The following COL6A1 variants were observed in gnomAD, a reference collection of about 807,000 sequenced individuals.
COL6A1 encodes the protein collagen type VI alpha 1 chain, also known as collagen alpha-1(VI) chain.
COL6A1 carries 80 observed loss-of-function variants against 145.6 expected under a neutral mutation model. That is an observed-to-expected ratio of 0.55 (90% CI 0.46 to 0.66). COL6A1 has a LOEUF of 0.66. COL6A1 is among the 30% of genes least tolerant of loss of function. The pLI is 0.00. For missense variants in COL6A1, 1,364 were observed against 1,473.8 expected, an observed-to-expected ratio of 0.93 and a Z score of 1.22; for synonymous variants, 638 against 622.8, an observed-to-expected ratio of 1.02 and a Z score of -0.36.
At chr21:45,992,460 T>A in intron 18 of COL6A1, 62 bp downstream of exon 18, 5 of 1,578,192 alleles carry the variant, frequency 3.2e-6, no homozygotes, top group Non-Finnish European at 4.3e-6. Context: ...ACGTGGCCTC[T>A]GCGGCCCAGT....
chr21:45,998,490 G>A (rs2077819730), intron 24 of COL6A1, 57 bp downstream of exon 24: 1 of 1,609,692 alleles, frequency 6.2e-7, no homozygotes, highest in African/African-American at 1.3e-5. Flanking sequence ...ACAGTCACAG[G>A]GACACGCACG....
intron 11 of COL6A1, 61 bp downstream of exon 11, chr21:45,989,839 G>C: frequency 3.7e-6 from 6 of 1,603,162 alleles, no homozygotes; most frequent in Non-Finnish European, 5.1e-6. Flanking sequence ...TCCTGGACGA[G>C]GGTGTCCCCG....
rs2077872077 is a variant in COL6A1, at chr21:46,004,817, TCCTC to T, written c.*811_*814del. 1.2e-5 allele frequency: 4 copies of T among 333,098 alleles called. No individual in the cohort carries two copies. Among genetic ancestry groups the T allele is most frequent in the South Asian group, 8.7e-5 (4 of 45,852 alleles). 20.6% of individuals were successfully genotyped at this position (333,098 alleles called of 1,614,324 possible). On this transcript the variant is annotated 3_prime_UTR_variant, in exon 35 of 35. Transcript: ENST00000361866. ...GATTAACGGTGCTAACCCCGTCTGC[TCCTC>T]CCTCCCGCAGAGACTGGGGCCTGGA...
chr21:45,997,885 C>T, intron 22 of COL6A1, 123 bp downstream of exon 22: 1 of 1,193,012 alleles, frequency 8.4e-7, no homozygotes, highest in East Asian at 2.6e-5. Context: ...CCCGCAGCAT[C>T]ACTGGCTCCT....
intron 3 of COL6A1, 35 bp downstream of exon 3, chr21:45,984,504 C>T: frequency 6.3e-7 from 1 of 1,593,562 alleles, no homozygotes; most frequent in African/African-American, 1.3e-5. Flanking sequence ...CACGCCAGTT[C>T]TCACGCGTGG....
rs1426855303 is a variant in COL6A1, at chr21:46,002,587, G to A, written c.2311G>A (p.Val771Ile). The change falls in exon 33 of 35, where the codon GTC becomes ATC. Residue 771 changes from valine to isoleucine, a missense_variant. Transcript: ENST00000361866. The stretch of plus-strand genomic sequence containing the variant: ...CATCCCAGGCTCAGACCAGCTCAAT[G>A]TCATTTCTTGCCAAGGCCTGGCACC... Reference protein sequence around the residue: ...DFIPGSDQLNVISCQGLAPSQ... With the variant: ...DFIPGSDQLNIISCQGLAPSQ... The A allele has an allele frequency of 6.2e-7, 1 of 1,614,036 alleles. No individual in the cohort carries two copies. Among genetic ancestry groups the A allele is most frequent in the Non-Finnish European group, 8.5e-7 (1 of 1,180,016 alleles).
chr21:45,997,299 G>A (rs1224318088), intron 20 of COL6A1, 122 bp from the exon 21 acceptor site: 1 of 908,794 alleles, frequency 1.1e-6, no homozygotes, highest in Non-Finnish European at 1.8e-6. Flanking sequence ...TGCACTGATG[G>A]GACTGGGGCC....
intron 2 of COL6A1, among the ~76,000 whole-genome samples, chr21:45,983,873 G>A (rs897472758): frequency 6.6e-6 from 1 of 152,100 alleles, no homozygotes; most frequent in Non-Finnish European, 1.5e-5. Flanking sequence ...GGCAGAGGTG[G>A]GCCCACCCCA....
intron 20 of COL6A1, among the ~76,000 whole-genome samples, chr21:45,996,662 G>A (rs979030232): frequency 3.3e-5 from 5 of 152,126 alleles, no homozygotes; most frequent in South Asian, 2.1e-4. Flanking sequence ...TGGGCCGGGC[G>A]ATGTGTACAC....
In COL6A1 at chr21:46,002,069, G is replaced by C. The variant is rs761929683; in HGVS notation, c.2065G>C (p.Glu689Gln). ...PSIRNVQELK[E>Q]AIKSLQWMAG... ...CATCCGGAACGTGCAGGAGCTCAAG[G>C]AGTGAGTGCCCCACGCGGCCAGGAC... The change falls in exon 31 of 35, where the codon GAA becomes CAA. Residue 689 changes from glutamate to glutamine, a missense_variant and splice_region_variant. This residue lies in a region of COL6A1 where 938 missense variants were observed against 1,003.8 expected (regional missense o/e 0.93). Coordinates refer to ENST00000361866, the MANE Select transcript of COL6A1 (RefSeq NM_001848.3). 1.2e-6 allele frequency: 2 copies of C among 1,610,392 alleles called. No individual in the cohort carries two copies. Among genetic ancestry groups the C allele is most frequent in the African/African-American group, 2.7e-5 (2 of 74,910 alleles).
chr21:46,000,446 C>CT, intron 28 of COL6A1, 79 bp downstream of exon 28: 3 of 1,526,152 alleles, frequency 2.0e-6, no homozygotes, highest in Non-Finnish European at 2.7e-6. Context: ...AGAAGGGTGT[C>CT]TCCACTGTTG....
In COL6A1 at chr21:45,981,820, C is replaced by A; in HGVS notation, c.-31C>A. 3.3e-6 allele frequency: 5 copies of A among 1,537,140 alleles called. No individual in the cohort carries two copies. The highest frequency in any genetic ancestry group is 4.4e-6 in the Non-Finnish European group (5 of 1,138,072). ...GCGGCGGCGGCCCACTCTGCCCTGG[C>A]CGCGCTGTGTGGTGACCGCAGGCCC... On this transcript the variant is annotated 5_prime_UTR_variant, in exon 1 of 35. Transcript: ENST00000361866.
intron 2 of COL6A1, among the ~76,000 whole-genome samples, chr21:45,983,917 G>T (rs1418427759): frequency 6.6e-6 from 1 of 152,188 alleles, no homozygotes; most frequent in Non-Finnish European, 1.5e-5. Flanking sequence ...AGAGCCTCAG[G>T]CTCAGGTGCT....
At chr21:45,996,224 T>C (rs2077803860) in intron 20 of COL6A1, among the ~76,000 whole-genome samples, 1 of 152,182 alleles carries the variant, frequency 6.6e-6, no homozygotes, top group Non-Finnish European at 1.5e-5. Context: ...GGCCCCCTTT[T>C]CGTGTTCCCA....
chr21:45,983,696 C>A (rs528682811), intron 2 of COL6A1, among the ~76,000 whole-genome samples: 58 of 152,166 alleles, frequency 3.8e-4, no homozygotes, highest in African/African-American at 1.4e-3. Context: ...CGGGGAGGGG[C>A]GGCCGCGTGG....
chr21:45,998,257 C>T (rs2077818191), intron 23 of COL6A1, 86 bp downstream of exon 23: 6 of 1,578,630 alleles, frequency 3.8e-6, no homozygotes, highest in Non-Finnish European at 5.2e-6. Flanking sequence ...CTTGGGTGGG[C>T]GGGCTGGCCC....
intron 2 of COL6A1, among the ~76,000 whole-genome samples, chr21:45,983,112 G>A: frequency 6.6e-6 from 1 of 152,222 alleles, no homozygotes; most frequent in South Asian, 2.1e-4. Flanking sequence ...CACTGGCCCA[G>A]ACACGCAGTC....
chr21:45,989,054 GC>G, intron 8 of COL6A1, 29 bp from the exon 9 acceptor site: 2 of 1,609,070 alleles, frequency 1.2e-6, no homozygotes, highest in Non-Finnish European at 1.7e-6. Flanking sequence ...AAACGGGGCT[GC>G]CCCAACCTTG....
At chr21:45,985,448 G>A (rs774148354) in intron 3 of COL6A1, among the ~76,000 whole-genome samples, 1 of 152,244 alleles carries the variant, frequency 6.6e-6, no homozygotes, top group Non-Finnish European at 1.5e-5. Flanking sequence ...GAGACTGAGA[G>A]ACTGAGAGAG....
Sources: gnomAD v4.1 joint callset for allele counts (sites outside exome capture counted in the v4.1 genomes callset) on GRCh38, gnomAD v4.1.1 for gene constraint, gnomAD v4.1.1 regional missense constraint, MANE v1.5 for transcripts, NCBI Gene and HGNC (gene_info 2026-07-23, HGNC 2026-07-21) for gene names.